The following ADCY2 variants were observed in gnomAD, a reference collection of about 807,000 sequenced individuals.
ADCY2 encodes the protein adenylate cyclase type 2.
A neutral mutation model predicts 125.2 loss-of-function variants in ADCY2; 31 were observed. The ratio of observed to expected loss-of-function variants is 0.25; its 90% CI spans 0.19 to 0.33. The LOEUF (loss-of-function observed/expected upper bound fraction) is 0.33. Among genes scored for constraint, ADCY2 ranks in the 10% least tolerant of loss-of-function variants. The probability of loss-of-function intolerance (pLI) is 1.00; values close to 1 mark genes in which losing one functional copy is unlikely to be tolerated. For synonymous variants in ADCY2, 512 were observed against 548.4 expected, an observed-to-expected ratio of 0.93 and a Z score of 0.93; for missense variants, 904 against 1,418.2, an observed-to-expected ratio of 0.64 and a Z score of 5.82.
intron 2 of ADCY2, among the ~76,000 whole-genome samples, chr5:7,497,820 C>T (rs755695868): frequency 3.3e-5 from 5 of 151,914 alleles, no homozygotes; most frequent in Non-Finnish European, 7.4e-5. Flanking sequence ...ATTTATTTAA[C>T]CAGTTACCAG....
chr5:7,546,432 G>C (rs578051184), intron 3 of ADCY2, among the ~76,000 whole-genome samples: 3 of 151,980 alleles, frequency 2.0e-5, no homozygotes, highest in Non-Finnish European at 2.9e-5. Flanking sequence ...CTTTTTTCTG[G>C]TGTGAAGACC....
At position 7,396,914 on chromosome 5, in the gene ADCY2, C is replaced by T. The variant is rs1282090062; in HGVS notation, c.210+408C>T. Among the ~76,000 whole-genome samples, 3 of 152,210 alleles carry T rather than the reference C, an allele frequency of 2.0e-5. No individual in the cohort carries two copies. Among genetic ancestry groups the T allele is most frequent in the African/African-American group, 7.2e-5 (3 of 41,468 alleles). On this transcript the variant is annotated intron_variant, in intron 1 of 24. Coordinates refer to ENST00000338316, the MANE Select transcript of ADCY2 (RefSeq NM_020546.3). This position sits in a 1 kb window ranked among gnomAD's most constrained non-coding sequence, Gnocchi z 5.7. ...CGAGTCGCTGTCTCCTGCCCGGTTCCACTGGCATGGCCCCACAGTTGGCAT... is the reference window on the plus strand; with the variant it reads ...CGAGTCGCTGTCTCCTGCCCGGTTCTACTGGCATGGCCCCACAGTTGGCAT...
At chr5:7,642,426 C>G (rs954295159) in intron 4 of ADCY2, among the ~76,000 whole-genome samples, 2 of 151,884 alleles carry the variant, frequency 1.3e-5, no homozygotes, top group Non-Finnish European at 2.9e-5. Flanking sequence ...GATACTAGAC[C>G]TTTGTCAGAT....
chr5:7,422,708 CCTTT>C (rs2126354407), intron 2 of ADCY2, among the ~76,000 whole-genome samples: 1 of 152,304 alleles, frequency 6.6e-6, no homozygotes, highest in South Asian at 2.1e-4. Flanking sequence ...GGAAGGAGAG[CCTTT>C]CTTTGTCCTG....
At chr5:7,705,346 A>G (rs1741232961) in intron 7 of ADCY2, among the ~76,000 whole-genome samples, 1 of 152,252 alleles carries the variant, frequency 6.6e-6, no homozygotes, top group Non-Finnish European at 1.5e-5. Flanking sequence ...AGATGGAGAC[A>G]GACAGGGAGT....
At chr5:7,743,285 G>A (rs1029768623) in intron 14 of ADCY2, among the ~76,000 whole-genome samples, 8 of 151,922 alleles carry the variant, frequency 5.3e-5, no homozygotes, top group Admixed American at 1.3e-4. Context: ...GGCTATCAAG[G>A]TGAGGCTGTC....
intron 22 of ADCY2, among the ~76,000 whole-genome samples, chr5:7,810,202 C>T (rs1744888418): frequency 6.6e-6 from 1 of 152,092 alleles, no homozygotes; most frequent in South Asian, 2.1e-4. Context: ...TCCAGGTACT[C>T]CTGAAAATTG....
chr5:7,540,843 G>A (rs1476869725), intron 3 of ADCY2, among the ~76,000 whole-genome samples: 4 of 152,120 alleles, frequency 2.6e-5, no homozygotes, highest in East Asian at 1.9e-4. Flanking sequence ...AATTTGGTCC[G>A]GATTCAGGGG....
chr5:7,634,857 T>C (rs1017549456), intron 4 of ADCY2, among the ~76,000 whole-genome samples: 3 of 152,152 alleles, frequency 2.0e-5, no homozygotes, highest in African/African-American at 7.2e-5. Flanking sequence ...CATGAGAAGA[T>C]ATAACAAGAT....
At chr5:7,470,295 A>G (rs1478692173) in intron 2 of ADCY2, among the ~76,000 whole-genome samples, 1 of 151,658 alleles carries the variant, frequency 6.6e-6, no homozygotes, top group Non-Finnish European at 1.5e-5. Context: ...ATTGTAATTC[A>G]ATATACAGAT....
chr5:7,551,849 A>G (rs894047666), intron 3 of ADCY2, among the ~76,000 whole-genome samples: 3 of 152,198 alleles, frequency 2.0e-5, no homozygotes, highest in Non-Finnish European at 4.4e-5. Flanking sequence ...GGAGAGACCT[A>G]CAGAGGTCAC....
chr5:7,783,004 G>A (rs192385941), intron 18 of ADCY2, among the ~76,000 whole-genome samples: 1 of 152,076 alleles, frequency 6.6e-6, no homozygotes, highest in East Asian at 1.9e-4. Context: ...TCCAGCTGCG[G>A]CAGGTTTGGT....
At chr5:7,640,489 G>A (rs1245283582) in intron 4 of ADCY2, among the ~76,000 whole-genome samples, 1 of 152,148 alleles carries the variant, frequency 6.6e-6, no homozygotes. Flanking sequence ...AACATAAAAT[G>A]TGACAAATTC....
rs148805645 is a variant in ADCY2 at position 7,822,079 on chromosome 5, C to T, written c.3123+1390C>T. 2.4e-3 allele frequency among the ~76,000 whole-genome samples: 358 copies of T among 151,944 alleles called. 1 individual carries two copies. The highest frequency in any genetic ancestry group is 4.0e-3 in the Non-Finnish European group (269 of 67,976). Reference sequence around the variant, plus strand: ...GGAAGCTACAGTTCATTCCAGTATTCGGAAGAAAGAAGGGGATCTCAGCTA... The same window carrying T: ...GGAAGCTACAGTTCATTCCAGTATTTGGAAGAAAGAAGGGGATCTCAGCTA... On this transcript the variant is annotated intron_variant, in intron 24 of 24. Coordinates refer to ENST00000338316, the MANE Select transcript of ADCY2 (RefSeq NM_020546.3).
intron 15 of ADCY2, 21 bp downstream of exon 15, chr5:7,743,773 C>G (rs751832104): frequency 2.5e-6 from 4 of 1,608,720 alleles, no homozygotes; most frequent in Non-Finnish European, 2.6e-6. Context: ...AAATGTGGCG[C>G]TTCTTTGAAA....
intron 18 of ADCY2, 49 bp downstream of exon 18, chr5:7,773,150 T>C (rs775529515): frequency 1.2e-5 from 19 of 1,577,396 alleles, no homozygotes; most frequent in Admixed American, 1.0e-4. Flanking sequence ...TCCCAGCCTG[T>C]GGATAGCATG....
At chr5:7,646,384 T>G (rs1461110924) in intron 4 of ADCY2, among the ~76,000 whole-genome samples, 1 of 151,676 alleles carries the variant, frequency 6.6e-6, no homozygotes, top group Non-Finnish European at 1.5e-5. Flanking sequence ...TTTATCTCAC[T>G]GCTTTAAATC....
intron 7 of ADCY2, among the ~76,000 whole-genome samples, chr5:7,704,767 A>C (rs1427036661): frequency 1.3e-5 from 2 of 151,944 alleles, no homozygotes; most frequent in Non-Finnish European, 2.9e-5. Flanking sequence ...AATCCCAGCT[A>C]CTGGGGAGGC....
chr5:7,592,728 G>C (rs931265422), intron 3 of ADCY2, among the ~76,000 whole-genome samples: 1 of 152,134 alleles, frequency 6.6e-6, no homozygotes, highest in African/African-American at 2.4e-5. Context: ...AACATAAACA[G>C]AGGAAAATTC....
Sources: allele counts gnomAD v4.1 joint callset (sites outside exome capture counted in the v4.1 genomes callset), GRCh38; gene constraint gnomAD v4.1.1; non-coding constraint Gnocchi (gnomAD v3.1); transcripts MANE v1.5; gene names NCBI Gene and HGNC (gene_info 2026-07-23, HGNC 2026-07-21).